Variants in BANK1 observed in about 807,000 individuals in gnomAD.
BANK1 encodes the protein B-cell scaffold protein with ankyrin repeats.
Under a neutral mutation model 94.5 loss-of-function variants are expected in BANK1, and 95 were observed. The observed-to-expected ratio is 1.00, with a 90% CI of 0.85 to 1.19. BANK1 has a LOEUF of 1.19. Among genes scored for constraint, BANK1 ranks in the 50% most tolerant of loss-of-function variants. The probability of loss-of-function intolerance (pLI) is 0.00; values close to 1 mark genes in which losing one functional copy is unlikely to be tolerated. For synonymous variants in BANK1, 334 were observed against 308.4 expected, an observed-to-expected ratio of 1.08 and a Z score of -0.87; for missense variants, 987 against 932.2, an observed-to-expected ratio of 1.06 and a Z score of -0.77.
chr4:101,930,471 T>C (rs1480094580), intron 7 of BANK1, among the ~76,000 whole-genome samples: 1 of 151,506 alleles, frequency 6.6e-6, no homozygotes, highest in African/African-American at 2.4e-5. Context: ...GGGAGTGTTC[T>C]TTATTATCTG....
intron 6 of BANK1, among the ~76,000 whole-genome samples, chr4:101,906,172 G>C (rs190672000): frequency 6.6e-6 from 1 of 152,162 alleles, no homozygotes; most frequent in African/African-American, 2.4e-5. Flanking sequence ...AGACAAGCTC[G>C]TGTAAGAGTG....
At chr4:101,856,808 T>C (rs1169620509) in intron 3 of BANK1, among the ~76,000 whole-genome samples, 1 of 152,212 alleles carries the variant, frequency 6.6e-6, no homozygotes, top group Non-Finnish European at 1.5e-5. Context: ...TATTTCAATA[T>C]AAAATTTCTT....
At chr4:102,042,217 C>A (rs1164133417) in intron 10 of BANK1, among the ~76,000 whole-genome samples, 1 of 151,994 alleles carries the variant, frequency 6.6e-6, no homozygotes, top group Non-Finnish European at 1.5e-5. Flanking sequence ...AAATCAAGTA[C>A]CTCTTACAAC....
intron 7 of BANK1, among the ~76,000 whole-genome samples, chr4:101,963,957 T>C (rs1724659541): frequency 6.6e-6 from 1 of 152,096 alleles, no homozygotes; most frequent in Non-Finnish European, 1.5e-5. Context: ...CACAGAAACC[T>C]CCTCCTACAT....
At chr4:102,023,545 C>G (rs893684378) in intron 8 of BANK1, among the ~76,000 whole-genome samples, 1 of 152,070 alleles carries the variant, frequency 6.6e-6, no homozygotes, top group Admixed American at 6.6e-5. Context: ...TGACTGGGCT[C>G]AAGCCAGTCT....
At chr4:101,839,064 T>TA (rs1299016402) in intron 2 of BANK1, among the ~76,000 whole-genome samples, 1 of 152,166 alleles carries the variant, frequency 6.6e-6, no homozygotes, top group African/African-American at 2.4e-5. Flanking sequence ...TAAACTAAAT[T>TA]AAAAAATAAA....
intron 15 of BANK1, 23 bp downstream of exon 15, chr4:102,072,423 T>G (rs750967913): frequency 1.3e-6 from 2 of 1,514,162 alleles, no homozygotes; most frequent in Non-Finnish European, 1.8e-6. Flanking sequence ...TATTTTGATT[T>G]CTATAAAATG....
chr4:101,997,660 G>A (rs1296629579), intron 7 of BANK1, among the ~76,000 whole-genome samples: 1 of 152,156 alleles, frequency 6.6e-6, no homozygotes, highest in Non-Finnish European at 1.5e-5. Context: ...GATGGTGTAT[G>A]TGTCCAGGAA....
At chr4:102,052,966 G>T (rs1728101165) in intron 11 of BANK1, among the ~76,000 whole-genome samples, 1 of 152,096 alleles carries the variant, frequency 6.6e-6, no homozygotes, top group African/African-American at 2.4e-5. Context: ...ATTGACAAGA[G>T]GAAGTATGAT....
At chr4:101,870,294 TTTTAAG>T (rs1173237166) in intron 4 of BANK1, among the ~76,000 whole-genome samples, 3 of 152,072 alleles carry the variant, frequency 2.0e-5, no homozygotes, top group African/African-American at 7.2e-5. Flanking sequence ...TGTTTTTATA[TTTTAAG>T]TTTATTTTTA....
intron 7 of BANK1, among the ~76,000 whole-genome samples, chr4:101,950,019 GT>G (rs1202374015): frequency 0.025 from 53 of 2,152 alleles, no homozygotes; most frequent in South Asian, 0.042. Flanking sequence ...GAAGTAAGGG[GT>G]GTGTGTGTGT....
chr4:102,051,340 C>T (rs1399567655), intron 11 of BANK1, among the ~76,000 whole-genome samples: 2 of 152,112 alleles, frequency 1.3e-5, no homozygotes, highest in Non-Finnish European at 2.9e-5. Context: ...TCATATTGCT[C>T]ACAAAAGTTT....
At chr4:102,002,251 G>A (rs1313226263) in intron 7 of BANK1, among the ~76,000 whole-genome samples, 6 of 152,078 alleles carry the variant, frequency 3.9e-5, no homozygotes, top group African/African-American at 1.4e-4. Flanking sequence ...TAGTGGTTAT[G>A]AGACCTGCCT....
intron 15 of BANK1, among the ~76,000 whole-genome samples, chr4:102,072,920 T>C (rs552820095): frequency 6.6e-6 from 1 of 152,210 alleles, no homozygotes; most frequent in East Asian, 1.9e-4. Context: ...ACACTGATAA[T>C]GTCCTGACTA....
chr4:102,046,193 A>G (rs1377989129), intron 11 of BANK1, among the ~76,000 whole-genome samples: 3 of 151,910 alleles, frequency 2.0e-5, no homozygotes, highest in Admixed American at 2.0e-4. Flanking sequence ...GCAATGGGGA[A>G]AGGATTCCCT....
intron 13 of BANK1, among the ~76,000 whole-genome samples, chr4:102,070,088 G>C (rs1305592667): frequency 6.6e-6 from 1 of 152,192 alleles, no homozygotes; most frequent in Non-Finnish European, 1.5e-5. Flanking sequence ...GGGGCATAAG[G>C]CAGCAAAAGA....
intron 5 of BANK1, among the ~76,000 whole-genome samples, chr4:101,889,242 G>A (rs1486997148): frequency 6.6e-6 from 1 of 151,866 alleles, no homozygotes; most frequent in African/African-American, 2.4e-5. Flanking sequence ...TGTCTGCAGG[G>A]TTTGTATTGA....
intron 8 of BANK1, 68 bp downstream of exon 8, chr4:102,021,660 T>A (rs545305676): frequency 1.6e-6 from 1 of 634,812 alleles, no homozygotes; most frequent in African/African-American, 2.0e-5. Context: ...ATGTGACTTA[T>A]GGAAGATGTA....
At chr4:102,013,467 G>A (rs917310852) in intron 7 of BANK1, among the ~76,000 whole-genome samples, 9 of 151,992 alleles carry the variant, frequency 5.9e-5, no homozygotes. Context: ...AGAATCATCT[G>A]AGAGTCTTCT....
Sources: gnomAD v4.1 joint callset for allele counts (sites outside exome capture counted in the v4.1 genomes callset) on GRCh38, gnomAD v4.1.1 for gene constraint, MANE v1.5 for transcripts, NCBI Gene and HGNC (gene_info 2026-07-23, HGNC 2026-07-21) for gene names.